The following NTM variants were observed in gnomAD, a reference collection of about 807,000 sequenced individuals.
NTM encodes IgLON family member 2.
NTM carries 13 observed loss-of-function variants against 42.1 expected under a neutral mutation model. The ratio of observed to expected loss-of-function variants is 0.31; its 90% CI spans 0.20 to 0.49. The LOEUF is 0.49. Among genes scored for constraint, NTM ranks in the 20% least tolerant of loss-of-function variants. The pLI is 0.99. For missense variants in NTM, 373 were observed against 452.8 expected (o/e 0.82, Z 1.60); for synonymous variants, 187 against 179.2 (o/e 1.04, Z -0.35).
intron 1 of NTM, among the ~76,000 whole-genome samples, chr11:131,893,481 A>C (rs1449118332): frequency 6.6e-6 from 1 of 152,182 alleles, no homozygotes; most frequent in Non-Finnish European, 1.5e-5. Context: ...TTCTTGGTGC[A>C]TTAACAGGCT....
At chr11:132,104,577 C>A (rs1300422537) in intron 2 of NTM, among the ~76,000 whole-genome samples, 6 of 30,080 alleles carry the variant, frequency 2.0e-4, no homozygotes, top group African/African-American at 3.5e-4. Context: ...CATAGTGGGA[C>A]CCCCCCCCAC....
chr11:131,691,232 C>T lies in NTM; in HGVS notation c.83-220332C>T, dbSNP rs375636553. Reference sequence around the variant, plus strand: ...CCCCGCAGTGCCAGGGCGGTTCCTTCAGTCCTTGACCTTCGCAGAACGTAG... The same window carrying T: ...CCCCGCAGTGCCAGGGCGGTTCCTTTAGTCCTTGACCTTCGCAGAACGTAG... On this transcript the variant is annotated intron_variant, in intron 1 of 8. Transcript: ENST00000683400. 2.6e-5 allele frequency among the ~76,000 whole-genome samples: 4 copies of T among 152,336 alleles called. No homozygotes were observed. In the East Asian group the frequency reaches 7.7e-4, roughly 29 times the overall value.
At chr11:131,603,338 T>G (rs1157249644) in intron 1 of NTM, among the ~76,000 whole-genome samples, 1 of 152,072 alleles carries the variant, frequency 6.6e-6, no homozygotes, top group Non-Finnish European at 1.5e-5. Context: ...ACTGGGAATC[T>G]TATTAATATG....
intron 1 of NTM, among the ~76,000 whole-genome samples, chr11:131,709,295 A>G (rs2076883418): frequency 6.6e-6 from 1 of 152,186 alleles, no homozygotes; most frequent in African/African-American, 2.4e-5. Flanking sequence ...CAGAAGAATG[A>G]CACGAAATAA....
intron 1 of NTM, among the ~76,000 whole-genome samples, chr11:131,845,904 T>G (rs2044843616): frequency 6.6e-6 from 1 of 152,180 alleles, no homozygotes; most frequent in African/African-American, 2.4e-5. Context: ...ATCAAGGCAG[T>G]TCTAGATAAA....
chr11:131,438,764 C>T (rs1372089566), intron 1 of NTM, among the ~76,000 whole-genome samples: 1 of 152,146 alleles, frequency 6.6e-6, no homozygotes, highest in Non-Finnish European at 1.5e-5. Flanking sequence ...TTATTACTGA[C>T]CTTCTGAAGG....
At chr11:131,637,162 C>T (rs919810942) in intron 1 of NTM, among the ~76,000 whole-genome samples, 2 of 152,034 alleles carry the variant, frequency 1.3e-5, no homozygotes, top group African/African-American at 4.8e-5. Flanking sequence ...TGCTCACTTC[C>T]CTTCCAAAAA....
chr11:131,708,891 T>C (rs974738701), intron 1 of NTM, among the ~76,000 whole-genome samples: 2 of 152,254 alleles, frequency 1.3e-5, no homozygotes, highest in South Asian at 2.1e-4. Context: ...AAGAAAACTA[T>C]GTCTGGGTAG....
At chr11:131,987,847 A>G (rs529685012) in intron 2 of NTM, among the ~76,000 whole-genome samples, 43 of 152,360 alleles carry the variant, frequency 2.8e-4, no homozygotes, top group Non-Finnish European at 5.1e-4. Context: ...CTTAGGAAGT[A>G]AATATTGAGC....
intron 1 of NTM, among the ~76,000 whole-genome samples, chr11:131,827,246 T>C (rs540143824): frequency 1.3e-5 from 2 of 152,144 alleles, no homozygotes; most frequent in African/African-American, 2.4e-5. Context: ...GATGACACAA[T>C]AGGAAATAAA....
intron 1 of NTM, among the ~76,000 whole-genome samples, chr11:131,784,083 T>C (rs753460656): frequency 1.6e-4 from 25 of 152,224 alleles, no homozygotes; most frequent in Non-Finnish European, 2.8e-4. Context: ...GAAACCACAA[T>C]GAACGCCTCT....
chr11:132,129,342 T>C (rs920225781), intron 2 of NTM, among the ~76,000 whole-genome samples: 4 of 152,208 alleles, frequency 2.6e-5, no homozygotes, highest in African/African-American at 7.2e-5. Flanking sequence ...CTCACACATA[T>C]ATTGATTCAG....
At chr11:132,144,463 A>G (rs576705811) in intron 2 of NTM, among the ~76,000 whole-genome samples, 72 of 152,300 alleles carry the variant, frequency 4.7e-4, no homozygotes, top group African/African-American at 1.7e-3. Flanking sequence ...ATCCTTATTC[A>G]TGCTTGAGCA....
chr11:131,862,307 CT>C (rs1458841952), intron 1 of NTM, among the ~76,000 whole-genome samples: 16 of 152,206 alleles, frequency 1.1e-4, no homozygotes, highest in African/African-American at 3.1e-4. Flanking sequence ...GTAATTTTAA[CT>C]GACTTTCTCC....
chr11:131,717,971 G>A (rs2077900998), intron 1 of NTM, among the ~76,000 whole-genome samples: 3 of 152,106 alleles, frequency 2.0e-5, no homozygotes, highest in African/African-American at 7.2e-5. Context: ...ATAATCATAT[G>A]TTTTTCTTAT....
In NTM at chr11:132,143,117, GT is replaced by G. The variant is rs145271212; in HGVS notation, c.168-3163del. ...CCCTGAACATATGGGTTACAGGAAA[GT>G]TCTCTCCTGTAACGTATCAGAAAAC... is the stretch of plus-strand genomic sequence containing the variant. On this transcript the variant is annotated intron_variant, in intron 2 of 8. Coordinates refer to ENST00000683400, the MANE Select transcript of NTM (RefSeq NM_001352005.2). Among the ~76,000 whole-genome samples, 644 of 152,254 alleles carry G rather than the reference GT, an allele frequency of 4.2e-3. 5 individuals are homozygous for G. The highest frequency in any genetic ancestry group is 0.015 in the African/African-American group (614 of 41,560).
At chr11:132,198,912 A>T (rs1205740929) in intron 3 of NTM, among the ~76,000 whole-genome samples, 1 of 152,212 alleles carries the variant, frequency 6.6e-6, no homozygotes, top group East Asian at 1.9e-4. Flanking sequence ...CCAATATCTA[A>T]TAAGGCCCTA....
At chr11:132,064,567 T>C (rs938125586) in intron 2 of NTM, among the ~76,000 whole-genome samples, 3 of 152,182 alleles carry the variant, frequency 2.0e-5, no homozygotes, top group Non-Finnish European at 2.9e-5. Flanking sequence ...CCTCCTACAA[T>C]GTAGTGACTT....
intron 4 of NTM, among the ~76,000 whole-genome samples, chr11:132,282,545 G>A (rs2094015544): frequency 6.6e-6 from 1 of 152,140 alleles, no homozygotes; most frequent in Admixed American, 6.5e-5. Flanking sequence ...TCCCCGAGTA[G>A]CTTGTGTCTT....
Sources: allele counts gnomAD v4.1 joint callset (sites outside exome capture counted in the v4.1 genomes callset), GRCh38; gene constraint gnomAD v4.1.1; transcripts MANE v1.5; gene names NCBI Gene and HGNC (gene_info 2026-07-23, HGNC 2026-07-21).